ALK: variants seen among roughly 807,000 people sequenced by gnomAD.
ALK encodes the protein ALK receptor tyrosine kinase.
A neutral mutation model predicts 163.1 loss-of-function variants in ALK; 74 were observed. That is an observed-to-expected ratio of 0.45 (90% CI 0.38 to 0.55). The LOEUF is 0.55. ALK is among the 20% of genes least tolerant of loss of function. ALK has a pLI of 0.00. For synonymous variants in ALK, 960 were observed against 843.2 expected (o/e 1.14, Z -2.40); for missense variants, 2,063 against 2,105.3 (o/e 0.98, Z 0.39).
chr2:29,435,958 C>A (rs1031066086), intron 4 of ALK, among the ~76,000 whole-genome samples: 5 of 152,036 alleles, frequency 3.3e-5, no homozygotes, highest in African/African-American at 1.2e-4. Context: ...GCACTGTAAG[C>A]ACATCTGGAG....
At chr2:29,239,306 T>A (rs1044878501) in intron 13 of ALK, among the ~76,000 whole-genome samples, 2 of 152,092 alleles carry the variant, frequency 1.3e-5, no homozygotes, top group Admixed American at 6.5e-5. Context: ...TGTTCTCAAA[T>A]AAGTTTCTGG....
chr2:29,698,675 T>C (rs72786212), intron 2 of ALK, among the ~76,000 whole-genome samples: 2 of 152,348 alleles, frequency 1.3e-5, no homozygotes, highest in Non-Finnish European at 2.9e-5. Flanking sequence ...ATATTAATTC[T>C]TGGATCTTTG....
chr2:29,538,143 T>A (rs534151010), intron 3 of ALK, among the ~76,000 whole-genome samples: 1 of 152,322 alleles, frequency 6.6e-6, no homozygotes, highest in East Asian at 1.9e-4. Context: ...TTTGAGGAAC[T>A]ATTGTGAAGG....
intron 9 of ALK, among the ~76,000 whole-genome samples, chr2:29,276,891 C>T (rs967943140): frequency 1.3e-5 from 2 of 152,122 alleles, no homozygotes; most frequent in African/African-American, 2.4e-5. Context: ...TGAAAATGCT[C>T]AGAAACGGGA....
At chr2:29,810,831 G>T (rs1018598281) in intron 1 of ALK, among the ~76,000 whole-genome samples, 1 of 151,998 alleles carries the variant, frequency 6.6e-6, no homozygotes, top group African/African-American at 2.4e-5. Flanking sequence ...TCTTTAGGAG[G>T]GTATTTAAGG....
chr2:29,638,899 G>A (rs1011085122), intron 3 of ALK, among the ~76,000 whole-genome samples: 1 of 152,160 alleles, frequency 6.6e-6, no homozygotes, highest in Non-Finnish European at 1.5e-5. Flanking sequence ...AAATCAGCCT[G>A]TGTGAGGGAC....
chr2:29,858,006 A>G (rs13005721), intron 1 of ALK, among the ~76,000 whole-genome samples: 68,728 of 151,892 alleles, frequency 0.45, 16,159 homozygotes, highest in Non-Finnish European at 0.5. Flanking sequence ...CAATCCAACA[A>G]CCTTATTCAG....
intron 3 of ALK, among the ~76,000 whole-genome samples, chr2:29,591,094 A>AAT: frequency 6.7e-6 from 1 of 150,136 alleles, no homozygotes. Flanking sequence ...AAAAAAAAAA[A>AAT]AAAAAATCCC....
chr2:29,454,932 T>G lies in ALK; in HGVS notation c.1155-71073A>C, dbSNP rs1325987461. Among the ~76,000 whole-genome samples, 5 of 152,314 alleles carry G rather than the reference T, an allele frequency of 3.3e-5. No individual in the cohort carries two copies. The East Asian group carries it at 7.7e-4, about 24-fold the overall frequency. On this transcript the variant is annotated intron_variant, in intron 4 of 28. Transcript: ENST00000389048. ...TAAAAGTCCTATGCGGTTAGTTTCATGTACCTGCTTCACAGATGAGGAAGC... is the reference window on the plus strand; with the variant it reads ...TAAAAGTCCTATGCGGTTAGTTTCAGGTACCTGCTTCACAGATGAGGAAGC...
At chr2:29,306,671 T>G (rs75593484) in intron 8 of ALK, among the ~76,000 whole-genome samples, 66 of 139,530 alleles carry the variant, frequency 4.7e-4, no homozygotes, top group Non-Finnish European at 8.7e-4. Flanking sequence ...GTGTGTGTGT[T>G]TGTGTGTGTA....
chr2:29,734,258 C>T (rs1679829291), intron 1 of ALK, among the ~76,000 whole-genome samples: 1 of 152,146 alleles, frequency 6.6e-6, no homozygotes, highest in African/African-American at 2.4e-5. Flanking sequence ...AGAAAAGGTG[C>T]TGCAGACCAT....
intron 2 of ALK, among the ~76,000 whole-genome samples, chr2:29,710,854 C>T (rs1679075578): frequency 6.6e-6 from 1 of 152,140 alleles, no homozygotes; most frequent in African/African-American, 2.4e-5. Context: ...CCACTTCTCT[C>T]CTCAAAGCCA....
intron 1 of ALK, among the ~76,000 whole-genome samples, chr2:29,872,921 G>C: frequency 6.6e-6 from 1 of 152,330 alleles, no homozygotes; most frequent in East Asian, 1.9e-4. Flanking sequence ...TGTGCATTCA[G>C]AAGAACTTGT....
chr2:29,602,437 T>G (rs1232208735), intron 3 of ALK, among the ~76,000 whole-genome samples: 1 of 152,188 alleles, frequency 6.6e-6, no homozygotes, highest in Non-Finnish European at 1.5e-5. Flanking sequence ...GTAGGGCTGA[T>G]CTGGTTAAAG....
At position 29,661,709 on chromosome 2, in the gene ALK, C is replaced by T. The variant is rs75143052; in HGVS notation, c.952+33141G>A. Among the ~76,000 whole-genome samples, 137 of 152,242 alleles carry T rather than the reference C, an allele frequency of 9.0e-4. 1 individual carries two copies. The highest frequency in any genetic ancestry group is 2.9e-3 in the African/African-American group (119 of 41,552). ...TAAATATGGAGCCAAGATTTGTACT[C>T]GAGCAGTCTGACTCTGGTCCTTGTG... is the stretch of plus-strand genomic sequence containing the variant. On this transcript the variant is annotated intron_variant, in intron 3 of 28. Coordinates refer to ENST00000389048, the MANE Select transcript of ALK (RefSeq NM_004304.5).
At chr2:29,716,598 G>C (rs1336748409) in intron 2 of ALK, among the ~76,000 whole-genome samples, 1 of 152,110 alleles carries the variant, frequency 6.6e-6, no homozygotes, top group East Asian at 1.9e-4. Flanking sequence ...GGTGGTACCT[G>C]GGAGAAAAAA....
At chr2:29,634,576 T>G (rs539773282) in intron 3 of ALK, among the ~76,000 whole-genome samples, 2 of 152,086 alleles carry the variant, frequency 1.3e-5, no homozygotes, top group Non-Finnish European at 2.9e-5. Context: ...AATTCAACAC[T>G]CATTCATGAT....
At chr2:29,326,606 G>C (rs1035137771) in intron 6 of ALK, among the ~76,000 whole-genome samples, 1 of 152,192 alleles carries the variant, frequency 6.6e-6, no homozygotes, top group African/African-American at 2.4e-5. Flanking sequence ...GCCAGGAGCG[G>C]AACAGAACAG....
intron 3 of ALK, among the ~76,000 whole-genome samples, chr2:29,574,183 G>A (rs1478164254): frequency 1.3e-5 from 2 of 152,212 alleles, no homozygotes; most frequent in Non-Finnish European, 1.5e-5. Flanking sequence ...TGGCTCTGGT[G>A]TCAGCAGATC....
Sources: gnomAD v4.1 joint callset for allele counts (sites outside exome capture counted in the v4.1 genomes callset) on GRCh38, gnomAD v4.1.1 for gene constraint, MANE v1.5 for transcripts, NCBI Gene and HGNC (gene_info 2026-07-23, HGNC 2026-07-21) for gene names.